Variants in COL4A5 observed in about 807,000 individuals in gnomAD.
COL4A5 encodes the protein collagen alpha-5(IV) chain.
Under a neutral mutation model 130.2 loss-of-function variants are expected in COL4A5, and 26 were observed. That is an observed-to-expected ratio of 0.20 (90% confidence interval 0.15 to 0.28). The LOEUF is 0.28. Ranked by LOEUF, COL4A5 falls within the 10% of genes least tolerant of loss-of-function variation. The pLI, the probability that COL4A5 is intolerant of heterozygous loss-of-function variation, is 1.00. For missense variants in COL4A5, 1,131 were observed against 1,344.3 expected (o/e 0.84, Z 2.48); for synonymous variants, 496 against 439.6 (o/e 1.13, Z -1.60).
intron 8 of COL4A5, among the ~76,000 whole-genome samples, chrX:108,572,300 A>G (rs190120363): frequency 9.0e-6 from 1 of 111,567 alleles, no homozygotes; most frequent in Non-Finnish European, 1.9e-5. Flanking sequence ...TGCCCATATT[A>G]TTGATTACTA....
chrX:108,532,005 C>G (rs1311882658), intron 1 of COL4A5, among the ~76,000 whole-genome samples: 1 of 111,061 alleles, frequency 9.0e-6, no homozygotes, highest in Non-Finnish European at 1.9e-5. Context: ...TTCTAACAAT[C>G]GTACAAGACA....
chrX:108,686,038 T>C lies in COL4A5; in HGVS notation c.4224T>C (p.Thr1408=). 1 of 1,209,602 alleles carries C rather than the reference T, an allele frequency of 8.3e-7. No individual in the cohort carries two copies. Among genetic ancestry groups the C allele is most frequent in the South Asian group, 1.8e-5 (1 of 56,877 alleles). Residue 1408 remains threonine, a synonymous_variant, in exon 48 of 53, where the codon ACT becomes ACC. Transcript: ENST00000328300. ...CTCATTCTTTTCCTGTAGGTCCAAC[T>C]GGCCCTCCAGGAGATCCTGGACGCA... The part of the protein sequence containing the change: ...PQGPQGLPGP[T]GPPGDPGRNG...
rs186299435 is a variant in COL4A5, at chrX:108,550,706, C to T, written c.142-8358C>T. Among the ~76,000 whole-genome samples, 166 of 111,262 alleles carry T rather than the reference C, an allele frequency of 1.5e-3. No homozygotes were observed. The East Asian group carries it at 0.037, about 25-fold the overall frequency. ...CAAGAAAAAGAAAAGAAAAAGTATC[C>T]GTATTGAAAAGGAAGAAATAATTTT... On this transcript the variant is annotated intron_variant, in intron 2 of 52. Coordinates refer to ENST00000328300, the MANE Select transcript of COL4A5 (RefSeq NM_033380.3).
intron 36 of COL4A5, among the ~76,000 whole-genome samples, chrX:108,638,609 G>A: frequency 9.0e-6 from 1 of 111,632 alleles, no homozygotes; most frequent in Non-Finnish European, 1.9e-5. Context: ...CATCTTAATT[G>A]GAATGGAAGA....
intron 1 of COL4A5, among the ~76,000 whole-genome samples, chrX:108,532,755 T>C (rs1394573714): frequency 1.8e-5 from 2 of 111,406 alleles, no homozygotes; most frequent in Non-Finnish European, 3.8e-5. Context: ...GATAATGATC[T>C]AACCAGGAAA....
chrX:108,450,144 A>G (rs1039190539), intron 1 of COL4A5, among the ~76,000 whole-genome samples: 27 of 112,198 alleles, frequency 2.4e-4, no homozygotes, highest in Admixed American at 1.4e-3. Flanking sequence ...CATATGACAA[A>G]ATTGGAAGTA....
chrX:108,597,449 C>T lies in COL4A5; in HGVS notation c.1660C>T (p.Pro554Ser). 1 of 1,210,589 alleles carries T rather than the reference C, an allele frequency of 8.3e-7. No individual in the cohort carries two copies. Among genetic ancestry groups the T allele is most frequent in the South Asian group, 1.8e-5 (1 of 56,909 alleles). ...TGAACCTGGTGATATCCTCACTTTT[C>T]CAGGAATGAAGGGTGACAAAGGAGA... ...KGEPGDILTF[P>S]GMKGDKGELG... The change falls in exon 24 of 53, where the codon CCA (proline) becomes TCA (serine). Residue 554 changes from proline (P) to serine (S), a missense_variant. By Grantham distance (74) the Pro-to-Ser change is moderately conservative. Coordinates refer to ENST00000328300, the MANE Select transcript of COL4A5 (RefSeq NM_033380.3).
intron 1 of COL4A5, among the ~76,000 whole-genome samples, chrX:108,459,236 A>G (rs2064618649): frequency 9.0e-6 from 1 of 111,642 alleles, no homozygotes. Context: ...TTTATAATTA[A>G]CTACATACAT....
chrX:108,677,411 T>A, intron 43 of COL4A5, 89 bp from the exon 44 acceptor site: 1 of 917,861 alleles, frequency 1.1e-6, no homozygotes, highest in Non-Finnish European at 1.5e-6. Context: ...TGCAAACTAA[T>A]AGGAAGATGA....
At chrX:108,494,391 A>G (rs1411495169) in intron 1 of COL4A5, among the ~76,000 whole-genome samples, 2 of 112,028 alleles carry the variant, frequency 1.8e-5, no homozygotes, top group Non-Finnish European at 3.8e-5. Context: ...ATGTAATACA[A>G]TTAGTACAAG....
At chrX:108,501,837 T>C (rs2065082016) in intron 1 of COL4A5, among the ~76,000 whole-genome samples, 1 of 112,482 alleles carries the variant, frequency 8.9e-6, no homozygotes, top group South Asian at 3.7e-4. Context: ...ATTGACTCTT[T>C]TTTTTGGTCA....
At position 108,584,500 on chromosome X, in the gene COL4A5, C is replaced by G; in HGVS notation, c.1007C>G (p.Thr336Ser). 8.3e-7 allele frequency: 1 copy of G among 1,206,296 alleles called. No individual in the cohort carries two copies. Among genetic ancestry groups the G allele is most frequent in the East Asian group, 3.0e-5 (1 of 33,755 alleles). ...ATTGAACAGGGCCAAAAAGGTGACA[C>G]TGGCCCACCTGGACCTCCTGGACTT... ...RDGEKGQKGD[T>S]GPPGPPGLVI... Residue 336 changes from threonine to serine, a missense_variant, in exon 18 of 53, where the codon ACT becomes AGT. Thr to Ser is a moderately conservative substitution (Grantham distance 58, BLOSUM62 1). Coordinates refer to ENST00000328300, the MANE Select transcript of COL4A5 (RefSeq NM_033380.3).
chrX:108,440,156 G>C lies in COL4A5; in HGVS notation c.31G>C (p.Gly11Arg). Residue 11 changes from glycine (G) to arginine (R), a missense_variant, in exon 1 of 53, where the codon GGC (glycine) becomes CGC (arginine). Transcript: ENST00000328300. MKLRGVSLAA[G>R]LFLLALSLWG... ...ACTGCGTGGAGTCAGCCTGGCTGCCGGCTTGTTCTTACTGGCCCTGAGTCT... is the reference window on the plus strand; with the variant it reads ...ACTGCGTGGAGTCAGCCTGGCTGCCCGCTTGTTCTTACTGGCCCTGAGTCT... 5.8e-6 allele frequency: 7 copies of C among 1,209,427 alleles called. No individual in the cohort carries two copies. The highest frequency in any genetic ancestry group is 7.8e-6 in the Non-Finnish European group (7 of 894,674).
chrX:108,540,535 C>G (rs1360673437), intron 2 of COL4A5, among the ~76,000 whole-genome samples: 1 of 111,406 alleles, frequency 9.0e-6, no homozygotes, highest in Non-Finnish European at 1.9e-5. Context: ...ACTGCAACCT[C>G]CGCCTCCTGG....
chrX:108,588,239 T>G (rs748266809), intron 19 of COL4A5, among the ~76,000 whole-genome samples: 1 of 111,237 alleles, frequency 9.0e-6, no homozygotes, highest in South Asian at 3.8e-4. Flanking sequence ...ATTCAATAAA[T>G]TATTATTCCT....
chrX:108,617,703 C>T (rs778456444), intron 30 of COL4A5, among the ~76,000 whole-genome samples: 4 of 112,054 alleles, frequency 3.6e-5, no homozygotes, highest in Admixed American at 2.8e-4. Flanking sequence ...TACTGTCTTA[C>T]TGAATTTTTT....
At chrX:108,580,240 A>G (rs1255364393) in intron 13 of COL4A5, among the ~76,000 whole-genome samples, 2 of 111,452 alleles carry the variant, frequency 1.8e-5, no homozygotes, top group Non-Finnish European at 3.8e-5. Flanking sequence ...TTTTACAAGT[A>G]TTACCTGCCT....
At chrX:108,695,501 G>A in intron 52 of COL4A5, 62 bp downstream of exon 52, 1 of 1,071,913 alleles carries the variant, frequency 9.3e-7, no homozygotes, top group Middle Eastern at 2.5e-4. Flanking sequence ...AGGGAAGAAA[G>A]AGACAATTTA....
At chrX:108,462,538 A>G (rs1020480026) in intron 1 of COL4A5, 7 of 110,984 alleles carry the variant, frequency 6.3e-5, no homozygotes, top group African/African-American at 1.6e-4. Flanking sequence ...TCAGCCTCCT[A>G]TGTAGCTGGG....
Sources: gnomAD v4.1 joint callset for allele counts (sites outside exome capture counted in the v4.1 genomes callset) on GRCh38, gnomAD v4.1.1 for gene constraint, MANE v1.5 for transcripts, NCBI Gene and HGNC (gene_info 2026-07-23, HGNC 2026-07-21) for gene names.